The following TAFA2 variants were observed in gnomAD, a reference collection of about 807,000 sequenced individuals.
TAFA2 encodes the protein chemokine-like protein TAFA-2.
A neutral mutation model predicts 18.8 loss-of-function variants in TAFA2; 7 were observed. The observed-to-expected ratio is 0.37, with a 90% CI of 0.21 to 0.70. The LOEUF (loss-of-function observed/expected upper bound fraction) is 0.70. Among genes scored for constraint, TAFA2 ranks in the 30% least tolerant of loss-of-function variants. The probability of loss-of-function intolerance (pLI) is 0.53; values close to 1 mark genes in which losing one functional copy is unlikely to be tolerated. For synonymous variants in TAFA2, 60 were observed against 54.2 expected (o/e 1.11, Z -0.47); for missense variants, 122 against 158.1 (o/e 0.77, Z 1.23).
chr12:62,226,006 C>G (rs893962042), intron 1 of TAFA2, among the ~76,000 whole-genome samples: 4 of 152,186 alleles, frequency 2.6e-5, no homozygotes, highest in African/African-American at 9.7e-5. Flanking sequence ...AACATGCACT[C>G]CATCCTCAAA....
chr12:62,141,063 T>C (rs1277894758), intron 1 of TAFA2, among the ~76,000 whole-genome samples: 1 of 152,210 alleles, frequency 6.6e-6, no homozygotes, highest in African/African-American at 2.4e-5. Flanking sequence ...CAGATTTCTT[T>C]ATCCTCATTT....
chr12:61,960,902 T>G (rs1364871277), intron 1 of TAFA2, among the ~76,000 whole-genome samples: 1 of 151,990 alleles, frequency 6.6e-6, no homozygotes, highest in Admixed American at 6.6e-5. Context: ...ATTTTCTTGC[T>G]GTATTTGCTA....
At chr12:62,017,194 A>G (rs1592551824) in intron 1 of TAFA2, among the ~76,000 whole-genome samples, 1 of 151,478 alleles carries the variant, frequency 6.6e-6, no homozygotes, top group South Asian at 2.1e-4. Flanking sequence ...TACCAACTTT[A>G]TATCATTGTT....
chr12:61,974,622 A>G (rs921459325), intron 1 of TAFA2, among the ~76,000 whole-genome samples: 2 of 151,782 alleles, frequency 1.3e-5, no homozygotes, highest in Non-Finnish European at 2.9e-5. Context: ...TGCAATTTAC[A>G]CTGTTGCAGC....
At chr12:62,164,246 GT>G (rs2062424734) in intron 1 of TAFA2, among the ~76,000 whole-genome samples, 1 of 152,050 alleles carries the variant, frequency 6.6e-6, no homozygotes, top group South Asian at 2.1e-4. Context: ...GGCAGCCAAA[GT>G]TTCACTTAGT....
intron 2 of TAFA2, among the ~76,000 whole-genome samples, chr12:61,784,937 G>T (rs1423788285): frequency 6.6e-6 from 1 of 151,262 alleles, no homozygotes; most frequent in Non-Finnish European, 1.5e-5. Context: ...CATCACCCTG[G>T]ACATTTATCT....
chr12:62,116,354 T>C (rs1458578828), intron 1 of TAFA2, among the ~76,000 whole-genome samples: 2 of 152,136 alleles, frequency 1.3e-5, no homozygotes, highest in African/African-American at 4.8e-5. Context: ...AGAGAAAACG[T>C]AGTGGTTCTA....
chr12:62,168,284 A>T (rs745323865), intron 1 of TAFA2, among the ~76,000 whole-genome samples: 3 of 152,246 alleles, frequency 2.0e-5, no homozygotes, highest in Non-Finnish European at 4.4e-5. Flanking sequence ...GGCTACTAGC[A>T]TCAATAAAGA....
rs111589494 is a variant in TAFA2, at chr12:61,973,774, A to C, written c.-1-106348T>G. ...ATCAGAACCACCTGGGAAATTCTGA[A>C]AATCCCCCGACCCTGGCTACACCCA... On this transcript the variant is annotated intron_variant, in intron 1 of 4. Transcript: ENST00000416284. Among the ~76,000 whole-genome samples the C allele has an allele frequency of 3.7e-3, 556 of 151,796 alleles. 11 individuals are homozygous for C. The highest frequency in any genetic ancestry group is 2.0e-3 in the Non-Finnish European group (138 of 67,752).
intron 1 of TAFA2, among the ~76,000 whole-genome samples, chr12:62,078,774 A>T (rs1318358325): frequency 6.6e-6 from 1 of 152,194 alleles, no homozygotes; most frequent in Non-Finnish European, 1.5e-5. Flanking sequence ...TTGCCTGAGA[A>T]AAATTTCTTT....
intron 1 of TAFA2, among the ~76,000 whole-genome samples, chr12:61,977,285 A>G (rs933332516): frequency 1.3e-5 from 2 of 152,064 alleles, no homozygotes; most frequent in Non-Finnish European, 2.9e-5. Flanking sequence ...GATAAAATAC[A>G]TCATCTCCAA....
intron 1 of TAFA2, among the ~76,000 whole-genome samples, chr12:61,894,086 A>G (rs1056292385): frequency 4.6e-5 from 7 of 151,640 alleles, no homozygotes; most frequent in Admixed American, 1.3e-4. Flanking sequence ...CTTTCTCAGC[A>G]TGTTTACTAC....
chr12:62,226,222 C>G (rs2062785934), intron 1 of TAFA2, among the ~76,000 whole-genome samples: 1 of 142,278 alleles, frequency 7.0e-6, no homozygotes, highest in African/African-American at 2.7e-5. Context: ...GAGACGGAGT[C>G]TCGCTCTGCC....
intron 1 of TAFA2, among the ~76,000 whole-genome samples, chr12:62,215,778 G>A (rs377734382): frequency 7.7e-6 from 1 of 129,814 alleles, no homozygotes; most frequent in Non-Finnish European, 1.7e-5. Flanking sequence ...TATGACACTT[G>A]CAAGTTACAT....
intron 2 of TAFA2, among the ~76,000 whole-genome samples, chr12:61,793,916 T>C (rs1317767057): frequency 3.9e-5 from 6 of 151,924 alleles, no homozygotes; most frequent in Non-Finnish European, 8.8e-5. Context: ...AGTTTAATAT[T>C]TGAAAAATAA....
intron 2 of TAFA2, among the ~76,000 whole-genome samples, chr12:61,807,439 T>G (rs940726193): frequency 2.0e-5 from 3 of 151,274 alleles, no homozygotes. Context: ...GGGCTGGGGC[T>G]CTTATGGAGA....
At chr12:61,963,693 A>T (rs1411428224) in intron 1 of TAFA2, among the ~76,000 whole-genome samples, 2 of 151,986 alleles carry the variant, frequency 1.3e-5, no homozygotes, top group Non-Finnish European at 2.9e-5. Flanking sequence ...CCATCAAGCT[A>T]CCATTGACTT....
chr12:61,803,792 A>G (rs1292661876), intron 2 of TAFA2, among the ~76,000 whole-genome samples: 1 of 151,976 alleles, frequency 6.6e-6, no homozygotes, highest in Non-Finnish European at 1.5e-5. Flanking sequence ...CTGAAATAAC[A>G]AAAATATAGT....
intron 2 of TAFA2, among the ~76,000 whole-genome samples, chr12:61,810,690 A>T (rs1163579528): frequency 6.6e-6 from 1 of 151,204 alleles, no homozygotes; most frequent in African/African-American, 2.5e-5. Context: ...TGGTGGGGTC[A>T]TGTGATTAAT....
Sources: gnomAD v4.1 joint callset for allele counts (sites outside exome capture counted in the v4.1 genomes callset) on GRCh38, gnomAD v4.1.1 for gene constraint, MANE v1.5 for transcripts, NCBI Gene and HGNC (gene_info 2026-07-23, HGNC 2026-07-21) for gene names.